WLS: variants seen among roughly 807,000 people sequenced by gnomAD.
The protein encoded by WLS is protein wntless homolog.
Under a neutral mutation model 62.8 loss-of-function variants are expected in WLS, and 23 were observed. The ratio of observed to expected loss-of-function variants is 0.37; its 90% CI spans 0.26 to 0.52. The LOEUF (loss-of-function observed/expected upper bound fraction) is 0.52. Among genes scored for constraint, WLS ranks in the 20% least tolerant of loss-of-function variants. The pLI is 0.92. For missense variants in WLS, 615 were observed against 697.3 expected (o/e 0.88, Z 1.33); for synonymous variants, 246 against 244.1 (o/e 1.01, Z -0.07).
chr1:68,117,639 A>G (rs1646309665), intron 11 of WLS: 1 of 152,276 alleles, frequency 6.6e-6, no homozygotes, highest in Non-Finnish European at 1.5e-5. Flanking sequence ...CCGTGCCTGC[A>G]GCTCTCGTGT....
intron 1 of WLS, among the ~76,000 whole-genome samples, chr1:68,222,408 T>G (rs904560857): frequency 6.6e-6 from 1 of 152,184 alleles, no homozygotes; most frequent in Non-Finnish European, 1.5e-5. Context: ...CTAAGTATAT[T>G]AAGGATACAA....
intron 9 of WLS, among the ~76,000 whole-genome samples, chr1:68,145,185 T>C (rs924170078): frequency 6.6e-6 from 1 of 152,210 alleles, no homozygotes; most frequent in African/African-American, 2.4e-5. Flanking sequence ...TCAGGGGCTC[T>C]TCTGTGCAGA....
chr1:68,123,909 A>T (rs186051118), downstream of WLS, among the ~76,000 whole-genome samples: 124 of 152,082 alleles, frequency 8.2e-4, 1 homozygote, highest in Non-Finnish European at 1.2e-3. Context: ...TCTTCCATGG[A>T]TCTCTCATAT....
intron 2 of WLS, among the ~76,000 whole-genome samples, chr1:68,179,843 C>T (rs1277410689): frequency 6.6e-6 from 1 of 152,186 alleles, no homozygotes; most frequent in African/African-American, 2.4e-5. Flanking sequence ...GCTCTCATGG[C>T]TTTTCAGTTT....
intron 3 of WLS, 38 bp downstream of exon 3, chr1:68,159,085 A>G: frequency 6.2e-7 from 1 of 1,610,856 alleles, no homozygotes; most frequent in Non-Finnish European, 8.5e-7. Flanking sequence ...CCTGAGAACC[A>G]AATAAAAACT....
At chr1:68,136,806 C>A (rs976038468) in intron 11 of WLS, among the ~76,000 whole-genome samples, 1 of 152,202 alleles carries the variant, frequency 6.6e-6, no homozygotes, top group Non-Finnish European at 1.5e-5. Context: ...GCAATCCACT[C>A]ATGCAACACA....
At position 68,126,427 on chromosome 1, in the gene WLS, C is replaced by T. The variant is rs1008281028; in HGVS notation, c.1517-92G>A. The T allele has an allele frequency of 4.6e-6, 7 of 1,521,254 alleles. No homozygotes were observed. The African/African-American group carries it at 8.2e-5, about 18-fold the overall frequency. The allele number at this position is 1,521,254 out of a possible 1,614,324, so 94.2% of individuals were successfully genotyped here. ...ATGGACAACTGCCCTGATGCTAGCC[C>T]TCTTTGACATTCTGAGCACACAGAG... is the stretch of plus-strand genomic sequence containing the variant. On this transcript the variant is annotated intron_variant, in intron 11 of 11. Transcript: ENST00000262348.
At chr1:68,203,465 C>T (rs1013594387) in intron 1 of WLS, among the ~76,000 whole-genome samples, 1 of 152,224 alleles carries the variant, frequency 6.6e-6, no homozygotes, top group Admixed American at 6.5e-5. Flanking sequence ...GGCTGGGTGT[C>T]ACTCAAAGGG....
At chr1:68,223,529 A>G (rs979882335) in intron 1 of WLS, among the ~76,000 whole-genome samples, 1 of 152,206 alleles carries the variant, frequency 6.6e-6, no homozygotes, top group African/African-American at 2.4e-5. Flanking sequence ...AGATCTAAGA[A>G]CAGAGAGGGA....
At chr1:68,149,657 G>A (rs533658338) in intron 6 of WLS, among the ~76,000 whole-genome samples, 3 of 152,188 alleles carry the variant, frequency 2.0e-5, no homozygotes, top group Non-Finnish European at 4.4e-5. Flanking sequence ...ATATGATTTG[G>A]TGTCTGTGCA....
At chr1:68,177,972 T>C (rs1458413001) in intron 2 of WLS, among the ~76,000 whole-genome samples, 1 of 152,116 alleles carries the variant, frequency 6.6e-6, no homozygotes, top group Non-Finnish European at 1.5e-5. Context: ...TTGCCAAGGG[T>C]CTCATAATTT....
At chr1:68,116,900 G>T (rs984662833) in intron 11 of WLS, among the ~76,000 whole-genome samples, 2 of 152,158 alleles carry the variant, frequency 1.3e-5, no homozygotes, top group East Asian at 3.9e-4. Context: ...TAATTTTGAA[G>T]GCTAACAGAA....
At chr1:68,117,378 C>T (rs1455972983) in intron 11 of WLS, 3 of 152,368 alleles carry the variant, frequency 2.0e-5, no homozygotes, top group East Asian at 1.9e-4. Context: ...TTAGGGGTAA[C>T]GTTAGAGCCC....
chr1:68,153,622 A>C lies in WLS; in HGVS notation c.698T>G (p.Val233Gly). The change falls in exon 5 of 12, where the codon GTG becomes GGG. Residue 233 changes from valine (V) to glycine (G), a missense_variant. Coordinates refer to ENST00000262348, the MANE Select transcript of WLS (RefSeq NM_024911.7). ...AAGGAAGGTCTTCATGGCAAACCAC[A>C]CCTTGGTGAAGCCTCCATTTTGGTG... is the stretch of plus-strand genomic sequence containing the variant. Reference protein sequence around the residue: ...GIHQNGGFTKVWFAMKTFLTP... With the variant: ...GIHQNGGFTKGWFAMKTFLTP... 6.2e-7 allele frequency: 1 copy of C among 1,614,148 alleles called. No homozygotes were observed. Among genetic ancestry groups the C allele is most frequent in the South Asian group, 1.1e-5 (1 of 91,070 alleles).
chr1:68,126,455 A>C, intron 11 of WLS, 120 bp from the exon 12 acceptor site: 2 of 1,287,120 alleles, frequency 1.6e-6, no homozygotes, highest in Non-Finnish European at 2.2e-6. Flanking sequence ...ACACAGAGAC[A>C]CCTAGGGCAC....
intron 2 of WLS, among the ~76,000 whole-genome samples, chr1:68,193,453 A>G (rs932603889): frequency 1.5e-5 from 2 of 133,260 alleles, no homozygotes; most frequent in East Asian, 2.4e-4. Context: ...CGAAAAAAAA[A>G]CCTGGTTTGG....
At chr1:68,161,428 CA>C (rs769863786) in intron 2 of WLS, among the ~76,000 whole-genome samples, 34 of 152,282 alleles carry the variant, frequency 2.2e-4, no homozygotes, top group Non-Finnish European at 4.4e-4. Context: ...CATTGTAGAG[CA>C]GGGTGTTCAG....
chr1:68,126,193 GGA>G lies in WLS; in HGVS notation c.*31_*32del, dbSNP rs1276151408. On this transcript the variant is annotated 3_prime_UTR_variant, in exon 12 of 12. Transcript: ENST00000262348. Reference sequence around the variant, plus strand: ...ACTCTAGTTAGAGGGGCTGGGGTATGGAGAGACCGTCCCAGCCGGGCGCTGCA... The same window carrying G: ...ACTCTAGTTAGAGGGGCTGGGGTATGGAGACCGTCCCAGCCGGGCGCTGCA... 1 of 1,612,680 alleles carries G rather than the reference GGA, an allele frequency of 6.2e-7. No individual in the cohort carries two copies. The highest frequency in any genetic ancestry group is 1.7e-5 in the Admixed American group (1 of 59,870).
intron 2 of WLS, among the ~76,000 whole-genome samples, chr1:68,176,905 G>A (rs116003320): frequency 2.9e-4 from 44 of 152,246 alleles, no homozygotes; most frequent in Non-Finnish European, 4.4e-4. Context: ...CATAATCAAC[G>A]TTTCCTTCTC....
Sources: gnomAD v4.1 joint callset for allele counts (sites outside exome capture counted in the v4.1 genomes callset) on GRCh38, gnomAD v4.1.1 for gene constraint, MANE v1.5 for transcripts, NCBI Gene and HGNC (gene_info 2026-07-23, HGNC 2026-07-21) for gene names.